PHF11: variants seen among roughly 807,000 people sequenced by gnomAD.
The protein encoded by PHF11 is BRCA1 C-terminus-associated protein.
PHF11 carries 38 observed loss-of-function variants against 40.5 expected under a neutral mutation model. The ratio of observed to expected loss-of-function variants is 0.94; its 90% CI spans 0.72 to 1.23. PHF11 has a LOEUF of 1.23. Ranked by LOEUF, PHF11 falls within the 50% of genes most tolerant of loss-of-function variation. The pLI, the probability that PHF11 is intolerant of heterozygous loss-of-function variation, is 0.00. For missense variants in PHF11, 369 were observed against 392.4 expected, an observed-to-expected ratio of 0.94 and a Z score of 0.50; for synonymous variants, 127 against 138.2, an observed-to-expected ratio of 0.92 and a Z score of 0.57.
chr13:49,496,436 C>G, intron 1 of PHF11: 4 of 1,048,810 alleles, frequency 3.8e-6, no homozygotes, highest in Non-Finnish European at 4.6e-6. Flanking sequence ...TCCTAGCGCC[C>G]CTCCGCTCAC....
At chr13:49,525,981 C>T (rs1455390944) in intron 8 of PHF11, 1 of 317,750 alleles carries the variant, frequency 3.1e-6, no homozygotes, top group African/African-American at 2.5e-5. Flanking sequence ...CCAGCCTGGC[C>T]AACATGGCAA....
At position 49,497,675 on chromosome 13, in the gene PHF11, C is replaced by A. The variant is rs534490665; in HGVS notation, c.94+1580C>A. On this transcript the variant is annotated intron_variant, in intron 1 of 9. Coordinates refer to ENST00000378319, the MANE Select transcript of PHF11 (RefSeq NM_001040443.3). ...TGAAAAACAAAAAGCAAATGTGATT[C>A]TCCTACTCAAAACCCACCAATAGTC... 6.6e-5 allele frequency among the ~76,000 whole-genome samples: 10 copies of A among 152,320 alleles called. No homozygotes were observed. In the East Asian group the frequency reaches 1.7e-3, roughly 26 times the overall value.
At chr13:49,511,396 G>A (rs943512366) in intron 2 of PHF11, among the ~76,000 whole-genome samples, 4 of 141,014 alleles carry the variant, frequency 2.8e-5, no homozygotes, top group Non-Finnish European at 6.0e-5. Flanking sequence ...GCGCGATCTC[G>A]GCTCACTGCA....
intron 9 of PHF11, among the ~76,000 whole-genome samples, chr13:49,526,950 C>T (rs1344988859): frequency 6.6e-6 from 1 of 151,986 alleles, no homozygotes; most frequent in African/African-American, 2.4e-5. Flanking sequence ...TTGCCTCCCT[C>T]TCGCTTGGTG....
In PHF11 at chr13:49,526,212, A is replaced by T. The variant is rs898846563; in HGVS notation, c.770-175A>T. On this transcript the variant is annotated intron_variant, in intron 8 of 9. Transcript: ENST00000378319. ...AAAAGAAAAAAGAGAAATGCCAAGA[A>T]TTACATTTCTGACAGCTTCCCTGTA... The T allele has an allele frequency of 1.2e-4, 66 of 557,236 alleles. No homozygotes were observed. The African/African-American group carries it at 1.2e-3, about 10-fold the overall frequency. The allele number at this position is 557,236 out of a possible 1,614,324, so 34.5% of individuals were successfully genotyped here.
intron 9 of PHF11, among the ~76,000 whole-genome samples, chr13:49,528,009 T>TAA (rs1294833140): frequency 6.6e-6 from 1 of 152,226 alleles, no homozygotes; most frequent in Non-Finnish European, 1.5e-5. Context: ...TTATAAAGCC[T>TAA]AAGTATCTTC....
At chr13:49,500,999 TG>T (rs1163105520) in intron 1 of PHF11, among the ~76,000 whole-genome samples, 8,713 of 133,212 alleles carry the variant, frequency 0.065, 841 homozygotes, top group African/African-American at 0.15. Flanking sequence ...CACCAACTTT[TG>T]TTTTTTTTTT....
At chr13:49,516,464 G>A (rs570435977) in intron 3 of PHF11, among the ~76,000 whole-genome samples, 1 of 149,210 alleles carries the variant, frequency 6.7e-6, no homozygotes, top group South Asian at 2.2e-4. Context: ...TTTTCTGCAG[G>A]TTATCAGAAT....
intron 1 of PHF11, among the ~76,000 whole-genome samples, chr13:49,498,445 C>T (rs1229192675): frequency 1.5e-5 from 2 of 130,916 alleles, no homozygotes; most frequent in Non-Finnish European, 3.1e-5. Context: ...TAACCTAGTA[C>T]ATTTCCAGTA....
rs538534163 is a variant in PHF11, at chr13:49,520,238, G to A, written c.459-656G>A. On this transcript the variant is annotated intron_variant, in intron 4 of 9. Coordinates refer to ENST00000378319, the MANE Select transcript of PHF11 (RefSeq NM_001040443.3). ...TAATTTTTGTATTTTTAGTAGAGGC[G>A]GGGTTTCACCATGTTGGCCAGGAGG... 1.7e-3 allele frequency among the ~76,000 whole-genome samples: 264 copies of A among 152,150 alleles called. 1 individual carries two copies. The highest frequency in any genetic ancestry group is 5.9e-3 in the African/African-American group (246 of 41,518).
In PHF11 at chr13:49,522,758, G is replaced by GTTTTTTT. The variant is rs1200697917; in HGVS notation, c.571-417_571-416insTTTTTTT. Among the ~76,000 whole-genome samples the GTTTTTTT allele has an allele frequency of 8.4e-5, 3 of 35,818 alleles. 1 individual carries two copies. The allele number at this position is 35,818 out of a possible 152,430, so 23.5% of individuals were successfully genotyped here. A position where few individuals can be genotyped will look rare whatever the true frequency, so the allele number is the denominator to read the frequency against. ...TGTTTACATCTAAATATGAATATGGGGTTTTTTTGTTTTTTTTTTTTTTTG... is the reference window on the plus strand; with the variant it reads ...TGTTTACATCTAAATATGAATATGGGTTTTTTTGTTTTTTTGTTTTTTTTTTTTTTTG... On this transcript the variant is annotated intron_variant, in intron 6 of 9. Transcript: ENST00000378319.
At chr13:49,513,328 A>ATTTTTTT (rs5803468) in intron 3 of PHF11, among the ~76,000 whole-genome samples, 162 bp downstream of exon 3, 11 of 126,146 alleles carry the variant, frequency 8.7e-5, no homozygotes, top group Non-Finnish European at 1.5e-4. Context: ...TTAACATTTA[A>ATTTTTTT]TTTTTTTTTT....
chr13:49,522,946 G>A (rs1959196797), intron 6 of PHF11, among the ~76,000 whole-genome samples: 1 of 151,806 alleles, frequency 6.6e-6, no homozygotes, highest in South Asian at 2.1e-4. Flanking sequence ...TGTATTTTTA[G>A]TAGCAACAAG....
chr13:49,497,266 A>C (rs752659241), intron 1 of PHF11: 32 of 1,086,664 alleles, frequency 2.9e-5, no homozygotes, highest in Non-Finnish European at 3.1e-5. Context: ...CTCAAACTCC[A>C]GACTGGTATA....
At chr13:49,510,333 T>C (rs112062860) in intron 2 of PHF11, among the ~76,000 whole-genome samples, 1 of 151,558 alleles carries the variant, frequency 6.6e-6, no homozygotes, top group African/African-American at 2.4e-5. Flanking sequence ...CCTAATAACA[T>C]TTTTTATAAC....
Position 49,518,031 on chromosome 13 carries a change from G to A in PHF11, c.338G>A (p.Cys113Tyr). The change falls in exon 4 of 10, where the codon TGT becomes TAT. Residue 113 changes from cysteine (C) to tyrosine (Y), a missense_variant. Physicochemically the swap from Cys to Tyr is radical, Grantham distance 194. Coordinates refer to ENST00000378319, the MANE Select transcript of PHF11 (RefSeq NM_001040443.3). The part of the protein sequence containing the change: ...QRGRKLKCKF[C>Y]HKRGATVGCD... ...ATTCTTCTGTAGAAATGCAAATTTT[G>A]TCATAAAAGAGGAGCCACCGTGGGA... The A allele has an allele frequency of 6.5e-7, 1 of 1,545,528 alleles. No homozygotes were observed. Among genetic ancestry groups the A allele is most frequent in the Non-Finnish European group, 8.8e-7 (1 of 1,130,436 alleles).
At chr13:49,499,241 A>G (rs1271313077) in intron 1 of PHF11, among the ~76,000 whole-genome samples, 1 of 152,188 alleles carries the variant, frequency 6.6e-6, no homozygotes, top group East Asian at 1.9e-4. Context: ...GAAATCTTCT[A>G]TCCTGAATTC....
intron 8 of PHF11, chr13:49,525,813 A>AG (rs776358034): frequency 6.6e-6 from 3 of 456,388 alleles, no homozygotes; most frequent in South Asian, 4.6e-5. Context: ...AACCACCTGT[A>AG]GGGCTGGTGA....
In PHF11 at chr13:49,516,337, G is replaced by A. The variant is rs185017543; in HGVS notation, c.325-1681G>A. On this transcript the variant is annotated intron_variant, in intron 3 of 9. Transcript: ENST00000378319. ...CTGTTTTCCCTTATCCTAAAACCAT[G>A]CCTGCCACATCATAGCTACTGCATG... 6.5e-4 allele frequency among the ~76,000 whole-genome samples: 98 copies of A among 151,922 alleles called. 1 individual carries two copies. Among genetic ancestry groups the A allele is most frequent in the African/African-American group, 2.3e-3 (94 of 41,362 alleles).
Sources: gnomAD v4.1 joint callset for allele counts (sites outside exome capture counted in the v4.1 genomes callset) on GRCh38, gnomAD v4.1.1 for gene constraint, MANE v1.5 for transcripts, NCBI Gene and HGNC (gene_info 2026-07-23, HGNC 2026-07-21) for gene names.